Variants in TAOK3 observed in about 807,000 individuals in gnomAD.
TAOK3 encodes serine/threonine-protein kinase TAO3.
In TAOK3, 40 loss-of-function variants were observed where a neutral mutation model predicts 120.4. The ratio of observed to expected loss-of-function variants is 0.33; its 90% CI spans 0.26 to 0.43. TAOK3 has a LOEUF of 0.43. Among genes scored for constraint, TAOK3 ranks in the 20% least tolerant of loss-of-function variants. The pLI is 1.00. For missense variants in TAOK3, 821 were observed against 1,112.1 expected (o/e 0.74, Z 3.72); for synonymous variants, 355 against 387.5 (o/e 0.92, Z 0.99).
chr12:118,195,079 G>A (rs1415201132), intron 13 of TAOK3, among the ~76,000 whole-genome samples: 1 of 151,690 alleles, frequency 6.6e-6, no homozygotes, highest in Admixed American at 6.6e-5. Flanking sequence ...ATAGTTTCTG[G>A]AACACTTATT....
At chr12:118,303,114 C>T (rs1365473120) in intron 1 of TAOK3, among the ~76,000 whole-genome samples, 1 of 152,026 alleles carries the variant, frequency 6.6e-6, no homozygotes, top group Non-Finnish European at 1.5e-5. Context: ...GAGAAGTGGC[C>T]CTATTTCAGC....
chr12:118,151,038 T>C lies in TAOK3; in HGVS notation c.2656A>G (p.Asn886Asp). The C allele has an allele frequency of 6.2e-7, 1 of 1,612,944 alleles. No homozygotes were observed. The part of the protein sequence containing the change: ...DMESLRMGFG[N>D]LVTLDFPKED... ...TTAGGAAAATCTAATGTAACCAAAT[T>C]CCCAAATCCCATTCTGAGGCTCTCC... The change falls in exon 21 of 21, where the codon AAT becomes GAT. Residue 886 changes from asparagine to aspartate, a missense_variant. Coordinates refer to ENST00000392533, the MANE Select transcript of TAOK3 (RefSeq NM_016281.4).
chr12:118,176,162 A>C (rs2036309833), intron 16 of TAOK3, among the ~76,000 whole-genome samples: 1 of 152,216 alleles, frequency 6.6e-6, no homozygotes, highest in Non-Finnish European at 1.5e-5. Flanking sequence ...CCCGCATTGC[A>C]CAAGGAGGAG....
chr12:118,320,474 T>C (rs2043657775), intron 1 of TAOK3, among the ~76,000 whole-genome samples: 1 of 152,104 alleles, frequency 6.6e-6, no homozygotes, highest in African/African-American at 2.4e-5. Flanking sequence ...ATATACTTGA[T>C]TATCAACACA....
rs2045933201 is a variant in TAOK3, at chr12:118,372,541, T to G, written c.-194+107A>C. On this transcript the variant is annotated intron_variant, in intron 1 of 20. Coordinates refer to ENST00000392533, the MANE Select transcript of TAOK3 (RefSeq NM_016281.4). The surrounding 1 kb of genome is among the most constrained non-coding windows in gnomAD (Gnocchi z 4.6). ...TGTCCCGGTCCCTCCCGGGGTCTCC[T>G]CTCCACAGTCTGCACTGTCGAGCCC... 1 of 154,192 alleles carries G rather than the reference T, an allele frequency of 6.5e-6. No homozygotes were observed. Among genetic ancestry groups the G allele is most frequent in the Non-Finnish European group, 1.4e-5 (1 of 69,612 alleles). The allele number at this position is 154,192 out of a possible 1,614,324, so 9.6% of individuals were successfully genotyped here. A position where few individuals can be genotyped will look rare whatever the true frequency, so the allele number is the denominator to read the frequency against.
intron 1 of TAOK3, among the ~76,000 whole-genome samples, chr12:118,366,250 C>G (rs554960772): frequency 5.9e-5 from 9 of 151,682 alleles, no homozygotes; most frequent in African/African-American, 2.2e-4. Flanking sequence ...AGCGAAAGAG[C>G]GAGACTCAAT....
In TAOK3 at chr12:118,330,260, CAA is replaced by C. The variant is rs2044087490; in HGVS notation, c.-194+42386_-194+42387del. On this transcript the variant is annotated intron_variant, in intron 1 of 20. Coordinates refer to ENST00000392533, the MANE Select transcript of TAOK3 (RefSeq NM_016281.4). ...TTCAAGTCTATAAATAAAATTGTTT[CAA>C]AGTTGTTTGCTTAAGTTATATTAGA... Among the ~76,000 whole-genome samples the C allele has an allele frequency of 2.0e-5, 3 of 152,238 alleles. No individual in the cohort carries two copies. In the South Asian group the frequency reaches 6.2e-4, roughly 32 times the overall value.
At chr12:118,223,294 C>T (rs1042709268) in intron 9 of TAOK3, among the ~76,000 whole-genome samples, 1 of 150,906 alleles carries the variant, frequency 6.6e-6, no homozygotes, top group Non-Finnish European at 1.5e-5. Flanking sequence ...CTCCTAACCT[C>T]GTGATCCGCC....
intron 1 of TAOK3, among the ~76,000 whole-genome samples, chr12:118,309,052 G>T (rs1175550101): frequency 4.6e-5 from 7 of 151,276 alleles, no homozygotes; most frequent in African/African-American, 1.7e-4. Flanking sequence ...AATGTCACTG[G>T]GCACGGTGGC....
intron 1 of TAOK3, among the ~76,000 whole-genome samples, chr12:118,357,336 C>T (rs2045439870): frequency 6.6e-6 from 1 of 152,188 alleles, no homozygotes; most frequent in Non-Finnish European, 1.5e-5. Context: ...TAACTCAGAA[C>T]TATTTTTAAC....
intron 1 of TAOK3, among the ~76,000 whole-genome samples, chr12:118,340,980 T>C (rs1464896314): frequency 6.6e-6 from 1 of 150,904 alleles, no homozygotes; most frequent in African/African-American, 2.4e-5. Context: ...AACTCTACCA[T>C]TAATATATCT....
chr12:118,225,715 A>G (rs955606911), intron 9 of TAOK3, among the ~76,000 whole-genome samples: 1 of 152,234 alleles, frequency 6.6e-6, no homozygotes. Flanking sequence ...GCTGTTGCCT[A>G]TAAAATACCT....
chr12:118,150,999 A>G lies in TAOK3; in HGVS notation c.2695T>C (p.Ter899ArgextTer2). ...TGTAAATGGCAAAAAATTTAATCTC[A>G]TCTGTAGTCCTCCTTAGGAAAATCT... The part of the protein sequence containing the change: ...TLDFPKEDYR[*>R] Residue 899 changes from the stop codon to arginine, a stop_lost, in exon 21 of 21, where the codon TGA becomes CGA. Transcript: ENST00000392533. 1 of 1,582,388 alleles carries G rather than the reference A, an allele frequency of 6.3e-7. No individual in the cohort carries two copies. The highest frequency in any genetic ancestry group is 2.3e-5 in the East Asian group (1 of 43,808).
chr12:118,273,480 G>T (rs938071502), intron 1 of TAOK3, among the ~76,000 whole-genome samples: 7 of 151,682 alleles, frequency 4.6e-5, no homozygotes, highest in African/African-American at 1.7e-4. Context: ...TCCAGCCTGG[G>T]TGACAGAGCG....
At chr12:118,155,608 T>TA (rs1425577688) in intron 19 of TAOK3, among the ~76,000 whole-genome samples, 5 of 152,222 alleles carry the variant, frequency 3.3e-5, no homozygotes, top group Non-Finnish European at 7.3e-5. Flanking sequence ...TGCCACATGG[T>TA]AAGTAGTCAG....
intron 1 of TAOK3, among the ~76,000 whole-genome samples, chr12:118,322,252 T>C (rs191250576): frequency 1.3e-4 from 19 of 148,798 alleles, no homozygotes; most frequent in African/African-American, 4.5e-4. Flanking sequence ...GAGGCAGAGG[T>C]TGCAATGAGC....
chr12:118,175,491 G>C (rs1255733284), intron 16 of TAOK3, among the ~76,000 whole-genome samples: 1 of 152,100 alleles, frequency 6.6e-6, no homozygotes. Flanking sequence ...GCTGGGCATG[G>C]TGGTGCACGC....
chr12:118,182,623 A>ATATATATATATATAT (rs371125415), intron 14 of TAOK3, among the ~76,000 whole-genome samples: 2 of 92,386 alleles, frequency 2.2e-5, no homozygotes, highest in East Asian at 7.2e-4. Context: ...ATATATATAT[A>ATATATATATATATAT]TTTTTTTTTT....
At chr12:118,217,530 A>G (rs971836770) in intron 9 of TAOK3, among the ~76,000 whole-genome samples, 3 of 151,614 alleles carry the variant, frequency 2.0e-5, no homozygotes, top group African/African-American at 7.3e-5. Context: ...TACTAAAAAT[A>G]CAAAAGTTAG....
Sources: allele counts gnomAD v4.1 joint callset (sites outside exome capture counted in the v4.1 genomes callset), GRCh38; gene constraint gnomAD v4.1.1; non-coding constraint Gnocchi (gnomAD v3.1); transcripts MANE v1.5; gene names NCBI Gene and HGNC (gene_info 2026-07-23, HGNC 2026-07-21).